Variants in INCA1 observed in about 807,000 individuals in gnomAD.
INCA1 encodes inhibitor of CDK, cyclin A1 interacting protein 1, also known as protein INCA1.
In INCA1, 28 loss-of-function variants were observed where a neutral mutation model predicts 25.7. The ratio of observed to expected loss-of-function variants is 1.09; its 90% CI spans 0.81 to 1.49. The LOEUF is 1.49. INCA1 is among the 40% of genes most tolerant of loss of function. The pLI, the probability that INCA1 is intolerant of heterozygous loss-of-function variation, is 0.00. For missense variants in INCA1, 309 were observed against 290.9 expected (o/e 1.06, Z -0.45); for synonymous variants, 111 against 103.6 (o/e 1.07, Z -0.43).
At chr17:4,992,913 C>T (rs1458514522) in intron 2 of INCA1, among the ~76,000 whole-genome samples, 1 of 151,698 alleles carries the variant, frequency 6.6e-6, no homozygotes, top group Non-Finnish European at 1.5e-5. Context: ...GTGTTTCACT[C>T]TTGTCGCCCA....
At chr17:4,995,857 G>C (rs1322510060) in intron 1 of INCA1, 1 of 152,264 alleles carries the variant, frequency 6.6e-6, no homozygotes, top group South Asian at 2.1e-4. Context: ...CTTGAACCAG[G>C]GAGGCAGAGG....
In INCA1 at chr17:4,988,776, T is replaced by TCC; in HGVS notation, c.561+2_561+3insGG. On this transcript the variant is annotated splice_region_variant and intron_variant, in intron 6 of 6. Transcript: ENST00000576820. ...ACTCCACCCAGTTCCACTCCAACAA[T>TCC]ACCTGGGCCCTGCCAGGAGTGAGAA... is the stretch of plus-strand genomic sequence containing the variant. 6.2e-7 allele frequency: 1 copy of TCC among 1,614,050 alleles called. No individual in the cohort carries two copies. Among genetic ancestry groups the TCC allele is most frequent in the Non-Finnish European group, 8.5e-7 (1 of 1,179,936 alleles).
intron 2 of INCA1, among the ~76,000 whole-genome samples, chr17:4,992,107 T>A (rs1367955451): frequency 1.3e-5 from 2 of 152,168 alleles, no homozygotes; most frequent in African/African-American, 4.8e-5. Context: ...GATGAAAAGA[T>A]TATCCATACA....
intron 1 of INCA1, among the ~76,000 whole-genome samples, chr17:4,995,167 T>C (rs911674660): frequency 6.6e-6 from 1 of 150,478 alleles, no homozygotes; most frequent in Non-Finnish European, 1.5e-5. Context: ...ATTGCACCAC[T>C]GCACTCCAGA....
intron 4 of INCA1, 60 bp downstream of exon 4, chr17:4,989,830 A>C (rs1161705387): frequency 1.1e-5 from 18 of 1,612,506 alleles, no homozygotes; most frequent in Middle Eastern, 1.7e-4. Context: ...AGCTTGGGAC[A>C]GGACAGCAGT....
exon 6 of INCA1, chr17:4,988,823 A>G: frequency 6.2e-7 from 1 of 1,614,182 alleles, no homozygotes; most frequent in Admixed American, 1.7e-5. Flanking sequence ...TCCTGTGGAT[A>G]GGTTGCTCTC....
downstream of INCA1, chr17:4,988,206 G>A: frequency 1.9e-6 from 1 of 514,738 alleles, no homozygotes; most frequent in Non-Finnish European, 3.4e-6. Flanking sequence ...AACAGGACTT[G>A]GGGTGCTCCT....
exon 4 of INCA1, chr17:4,989,917 C>T (rs967835311): frequency 1.2e-6 from 2 of 1,614,180 alleles, no homozygotes; most frequent in Non-Finnish European, 8.5e-7. Flanking sequence ...GCTGCTCCTC[C>T]AGCCAAGTGG....
intron 4 of INCA1, 52 bp from the exon 5 acceptor site, chr17:4,989,676 A>G: frequency 1.2e-6 from 2 of 1,602,170 alleles, no homozygotes; most frequent in East Asian, 2.2e-5. Flanking sequence ...GGCTCTCTCA[A>G]GGGAGCTTGG....
intron 1 of INCA1, among the ~76,000 whole-genome samples, chr17:4,995,365 G>A (rs1294248373): frequency 6.6e-6 from 1 of 152,202 alleles, no homozygotes; most frequent in African/African-American, 2.4e-5. Flanking sequence ...TGGCAGTTAA[G>A]CGACAACTGG....
intron 5 of INCA1, 52 bp downstream of exon 5, chr17:4,989,376 C>A: frequency 1.3e-6 from 2 of 1,542,832 alleles, no homozygotes; most frequent in South Asian, 2.4e-5. Context: ...TCAAACTGTT[C>A]TGCCCCCAAA....
At chr17:4,994,540 C>T in intron 1 of INCA1, 65 bp from the exon 2 acceptor site, 1 of 1,331,986 alleles carries the variant, frequency 7.5e-7, no homozygotes, top group Non-Finnish European at 1.1e-6. Flanking sequence ...GCCTGTAATC[C>T]CAGTACTTTT....
At chr17:4,988,496 A>G (rs747896257) in exon 7 of INCA1, 1 of 1,614,176 alleles carries the variant, frequency 6.2e-7, no homozygotes, top group Non-Finnish European at 8.5e-7. Context: ...CAGAGAGTGC[A>G]GCTGCCTGGA....
intron 1 of INCA1, chr17:4,996,738 C>T (rs1027933642): frequency 6.2e-5 from 9 of 144,290 alleles, no homozygotes; most frequent in African/African-American, 2.4e-4. Context: ...TCCCGAAGGA[C>T]AGAAGCAGCC....
intron 5 of INCA1, 119 bp downstream of exon 5, chr17:4,989,309 C>T (rs1973653222): frequency 1.1e-5 from 10 of 925,138 alleles, no homozygotes; most frequent in Admixed American, 4.6e-5. Context: ...TTCCAAGCAA[C>T]CTCCCCTCAA....
rs1344201056 is a variant in INCA1 at position 4,989,412 on chromosome 17, T to C, written c.395+16A>G. On this transcript the variant is annotated intron_variant, in intron 5 of 6. Coordinates refer to ENST00000576820, the Ensembl canonical transcript of INCA1. ...TCCTGCATGACTCCCAGAACCCAGA[T>C]GTCTCCCTTCCTTACTCGTTGATGA... The C allele has an allele frequency of 6.9e-6, 11 of 1,605,398 alleles. No individual in the cohort carries two copies. The highest frequency in any genetic ancestry group is 9.4e-6 in the Non-Finnish European group (11 of 1,173,982).
rs561454749 is a variant in INCA1 at position 4,988,311 on chromosome 17, A to G, written c.*94T>C. On this transcript the variant is annotated 3_prime_UTR_variant, in exon 7 of 7. Coordinates refer to ENST00000576820, the Ensembl canonical transcript of INCA1. ...AGTTGGAGAGACGAAGGAAGGGGAA[A>G]CGCCTTCATGTCAGCAATGAGGGTG... 759 of 1,369,970 alleles carry G rather than the reference A, an allele frequency of 5.5e-4. 1 individual carries two copies. Among genetic ancestry groups the G allele is most frequent in the Non-Finnish European group, 7.2e-4 (734 of 1,014,980 alleles). 84.9% of individuals were successfully genotyped at this position (1,369,970 alleles called of 1,614,324 possible).
At chr17:4,995,497 G>T (rs1367613582) in intron 1 of INCA1, among the ~76,000 whole-genome samples, 1 of 152,150 alleles carries the variant, frequency 6.6e-6, no homozygotes, top group Non-Finnish European at 1.5e-5. Flanking sequence ...AGTGGTTAGT[G>T]AAAGTTAATT....
intron 6 of INCA1, 38 bp from the exon 7 acceptor site, chr17:4,988,592 A>C (rs1183066808): frequency 6.2e-7 from 1 of 1,607,064 alleles, no homozygotes; most frequent in Admixed American, 1.7e-5. Flanking sequence ...AAAATGGAAA[A>C]GTAGGTCTTC....
Sources: allele counts gnomAD v4.1 joint callset (sites outside exome capture counted in the v4.1 genomes callset), GRCh38; gene constraint gnomAD v4.1.1; transcripts MANE v1.5; gene names NCBI Gene and HGNC (gene_info 2026-07-23, HGNC 2026-07-21).